Variants in DMD observed in about 807,000 individuals in gnomAD.
DMD encodes dystrophin.
Under a neutral mutation model 330.1 loss-of-function variants are expected in DMD, and 63 were observed. The ratio of observed to expected loss-of-function variants is 0.19; its 90% CI spans 0.16 to 0.24. DMD has a LOEUF of 0.24. DMD is among the 10% of genes least tolerant of loss of function. The probability of loss-of-function intolerance (pLI) is 1.00; values close to 1 mark genes in which losing one functional copy is unlikely to be tolerated. For synonymous variants in DMD, 1,223 were observed against 959.8 expected (o/e 1.27, Z -5.07); for missense variants, 3,344 against 2,684.1 (o/e 1.25, Z -5.43).
rs753559669 is a variant in DMD at position 32,584,576 on chromosome X, C to T, written c.1603-10730G>A. The stretch of plus-strand genomic sequence containing the variant: ...TGTGGTATATTCATACAAAGTAATT[C>T]TATCCAGCGATGAAAATTAATAAAG... On this transcript the variant is annotated intron_variant, in intron 13 of 78. Transcript: ENST00000357033. 2.7e-5 allele frequency among the ~76,000 whole-genome samples: 3 copies of T among 112,084 alleles called. No individual in the cohort carries two copies. In the East Asian group the frequency reaches 8.4e-4, roughly 32 times the overall value.
intron 63 of DMD, among the ~76,000 whole-genome samples, chrX:31,228,130 T>G (rs2046824757): frequency 9.4e-6 from 1 of 106,377 alleles, no homozygotes; most frequent in African/African-American, 3.5e-5. Flanking sequence ...GTGGGGGGGA[T>G]AGCACTGGGT....
At chrX:33,251,723 G>T (rs1378136777) in intron 1 of DMD, among the ~76,000 whole-genome samples, 1 of 111,839 alleles carries the variant, frequency 8.9e-6, no homozygotes, top group Admixed American at 9.6e-5. Context: ...ACTATCAAGG[G>T]ATTCTTCTCC....
chrX:31,454,951 C>CTTTTTTTTT (rs61091457), intron 59 of DMD, among the ~76,000 whole-genome samples: 2 of 80,195 alleles, frequency 2.5e-5, no homozygotes, highest in African/African-American at 1.0e-4. Flanking sequence ...TTTTCTTTTT[C>CTTTTTTTTT]TTTTTTTTTT....
Position 31,311,344 on chromosome X carries a change from C to T in DMD, c.9224+12254G>A, listed in dbSNP as rs147845445. 2.7e-3 allele frequency among the ~76,000 whole-genome samples: 297 copies of T among 111,518 alleles called. 2 individuals are homozygous for T. Among genetic ancestry groups the T allele is most frequent in the African/African-American group, 8.7e-3 (268 of 30,674 alleles). ...TTCTTGTCCATCTAAATTGACCACG[C>T]GCTACCTTTCAGAAAGACTTACAAT... On this transcript the variant is annotated intron_variant, in intron 62 of 78. Coordinates refer to ENST00000357033, the MANE Select transcript of DMD (RefSeq NM_004006.3).
chrX:31,434,007 T>C (rs1197345977), intron 60 of DMD, among the ~76,000 whole-genome samples: 2 of 111,594 alleles, frequency 1.8e-5, no homozygotes, highest in East Asian at 2.8e-4. Context: ...TCAGTAGATG[T>C]GGTATTCAGG....
intron 4 of DMD, among the ~76,000 whole-genome samples, chrX:32,832,006 A>C (rs1484249489): frequency 1.8e-5 from 2 of 110,783 alleles, no homozygotes; most frequent in Non-Finnish European, 3.8e-5. Flanking sequence ...TCATTCAGCC[A>C]ATTGAAATTA....
intron 1 of DMD, among the ~76,000 whole-genome samples, chrX:33,070,699 A>C (rs541632127): frequency 2.2e-5 from 2 of 89,591 alleles, no homozygotes; most frequent in Non-Finnish European, 4.3e-5. Context: ...ATATATATAT[A>C]TATATATATA....
At chrX:32,364,508 T>C in intron 36 of DMD, 74 bp downstream of exon 36, 1 of 1,103,411 alleles carries the variant, frequency 9.1e-7, no homozygotes, top group South Asian at 1.8e-5. Context: ...ACGTCCTTAG[T>C]ATCTTTTAGG....
intron 13 of DMD, among the ~76,000 whole-genome samples, chrX:32,594,311 G>A (rs1022986482): frequency 9.0e-6 from 1 of 111,263 alleles, no homozygotes; most frequent in Non-Finnish European, 1.9e-5. Flanking sequence ...GCCTCTGGAT[G>A]GCATTTCAAC....
intron 49 of DMD, among the ~76,000 whole-genome samples, chrX:31,830,929 A>C (rs1344252922): frequency 8.9e-6 from 1 of 112,142 alleles, no homozygotes; most frequent in Non-Finnish European, 1.9e-5. Context: ...GTCTAGCCCT[A>C]CTTTAATCTC....
At chrX:32,488,624 G>A (rs747422307) in intron 20 of DMD, among the ~76,000 whole-genome samples, 15 of 111,708 alleles carry the variant, frequency 1.3e-4, no homozygotes, top group Non-Finnish European at 2.6e-4. Flanking sequence ...GGGTCTGAGA[G>A]AAAGAGTAAG....
chrX:32,511,230 A>G (rs186186804), intron 18 of DMD, among the ~76,000 whole-genome samples: 1 of 110,941 alleles, frequency 9.0e-6, no homozygotes. Context: ...ATTTTGTGAA[A>G]GTCATTAATT....
intron 17 of DMD, among the ~76,000 whole-genome samples, chrX:32,543,084 T>C (rs147990985): frequency 2.5e-3 from 281 of 111,830 alleles, no homozygotes; most frequent in African/African-American, 8.8e-3. Flanking sequence ...GCCATACCTA[T>C]TTTGGGAGGT....
At chrX:33,073,935 T>C (rs1260288499) in intron 1 of DMD, among the ~76,000 whole-genome samples, 2 of 112,126 alleles carry the variant, frequency 1.8e-5, no homozygotes, top group Admixed American at 9.5e-5. Context: ...CTCTAACTTA[T>C]TATTTTGCAT....
At chrX:31,962,650 A>AT (rs775265215) in intron 45 of DMD, among the ~76,000 whole-genome samples, 32 of 111,814 alleles carry the variant, frequency 2.9e-4, no homozygotes, top group African/African-American at 1.0e-3. Context: ...AGAAATCCAT[A>AT]TTTTTTTAAA....
intron 15 of DMD, among the ~76,000 whole-genome samples, chrX:32,569,166 A>G (rs868131743): frequency 2.6e-4 from 29 of 111,978 alleles, no homozygotes; most frequent in South Asian, 1.1e-3. Flanking sequence ...AGACTGGGTC[A>G]GTAGTGGATA....
intron 55 of DMD, among the ~76,000 whole-genome samples, chrX:31,578,380 C>G (rs1055569808): frequency 1.7e-4 from 19 of 111,819 alleles, no homozygotes; most frequent in African/African-American, 6.2e-4. Context: ...CTTGGTCTTT[C>G]CACTGCAGCC....
intron 13 of DMD, among the ~76,000 whole-genome samples, chrX:32,589,957 A>G (rs1271502679): frequency 8.9e-6 from 1 of 111,933 alleles, no homozygotes; most frequent in East Asian, 2.8e-4. Flanking sequence ...GAACACTCAT[A>G]GAGAAAGATA....
chrX:32,764,560 T>G (rs996584196), intron 7 of DMD, among the ~76,000 whole-genome samples: 2 of 111,470 alleles, frequency 1.8e-5, no homozygotes, highest in African/African-American at 6.5e-5. Flanking sequence ...TCCTTTTGTA[T>G]CTGGCTTTTT....
Sources: gnomAD v4.1 joint callset for allele counts (sites outside exome capture counted in the v4.1 genomes callset) on GRCh38, gnomAD v4.1.1 for gene constraint, MANE v1.5 for transcripts, NCBI Gene and HGNC (gene_info 2026-07-23, HGNC 2026-07-21) for gene names.